Variants in TUBGCP3 observed in about 807,000 individuals in gnomAD.
The protein encoded by TUBGCP3 is tubulin gamma complex component 3.
In TUBGCP3, 50 loss-of-function variants were observed where a neutral mutation model predicts 123.1. The observed-to-expected ratio is 0.41, with a 90% confidence interval of 0.32 to 0.51. The LOEUF (loss-of-function observed/expected upper bound fraction) is 0.51. TUBGCP3 is among the 20% of genes least tolerant of loss of function. The pLI, the probability that TUBGCP3 is intolerant of heterozygous loss-of-function variation, is 0.36. For synonymous variants in TUBGCP3, 405 were observed against 413.9 expected (o/e 0.98, Z 0.26); for missense variants, 882 against 1,127.0 (o/e 0.78, Z 3.11).
intron 11 of TUBGCP3, among the ~76,000 whole-genome samples, chr13:112,542,788 A>T (rs1034241003): frequency 1.3e-5 from 2 of 152,216 alleles, no homozygotes; most frequent in African/African-American, 4.8e-5. Flanking sequence ...ATAGTGACTT[A>T]ATACAAATTG....
intron 8 of TUBGCP3, among the ~76,000 whole-genome samples, chr13:112,552,941 C>A (rs1364985910): frequency 6.6e-6 from 1 of 151,910 alleles, no homozygotes; most frequent in Non-Finnish European, 1.5e-5. Flanking sequence ...TCCCCACCAG[C>A]CATGCTCCTA....
the TUBGCP3 span, among the ~76,000 whole-genome samples, chr13:112,595,712 G>A: frequency 2.0e-5 from 3 of 147,204 alleles, no homozygotes; most frequent in African/African-American, 7.9e-5. Context: ...TGTGATTGAA[G>A]GATAGACAGC....
At chr13:112,501,321 G>T (rs1241269245) in intron 19 of TUBGCP3, among the ~76,000 whole-genome samples, 2 of 152,184 alleles carry the variant, frequency 1.3e-5, no homozygotes, top group Non-Finnish European at 2.9e-5. Context: ...GTCTAATAAA[G>T]AATAATTTAT....
chr13:112,569,280 T>G, intron 1 of TUBGCP3, 21 bp from the exon 2 acceptor site: 1 of 1,612,792 alleles, frequency 6.2e-7, no homozygotes, highest in Non-Finnish European at 8.5e-7. Context: ...AACAAAAGGA[T>G]GCGGATTGTT....
intron 17 of TUBGCP3, among the ~76,000 whole-genome samples, chr13:112,505,636 C>T (rs2139007174): frequency 6.6e-6 from 1 of 152,364 alleles, no homozygotes; most frequent in East Asian, 1.9e-4. Flanking sequence ...TGCAGTTTTG[C>T]TCTCTTGGTT....
the TUBGCP3 span, among the ~76,000 whole-genome samples, chr13:112,595,715 TAGAC>T: frequency 6.9e-6 from 1 of 145,132 alleles, no homozygotes; most frequent in African/African-American, 2.7e-5. Flanking sequence ...GATTGAAGGA[TAGAC>T]AGCATATAGT....
chr13:112,495,156 T>A (rs760262581), intron 20 of TUBGCP3, among the ~76,000 whole-genome samples: 1 of 152,344 alleles, frequency 6.6e-6, no homozygotes, highest in East Asian at 1.9e-4. Context: ...GTCCTAGAGT[T>A]TCCCCCCAGT....
At chr13:112,560,910 A>G (rs1880464565) in intron 3 of TUBGCP3, among the ~76,000 whole-genome samples, 2 of 152,208 alleles carry the variant, frequency 1.3e-5, no homozygotes, top group African/African-American at 4.8e-5. Flanking sequence ...ACAGCTCACA[A>G]AAGGGCTTCT....
At chr13:112,489,398 G>A (rs1171170433) in intron 21 of TUBGCP3, among the ~76,000 whole-genome samples, 183 bp downstream of exon 21, 4 of 152,244 alleles carry the variant, frequency 2.6e-5, no homozygotes, top group South Asian at 2.1e-4. Flanking sequence ...GGCACTGCCC[G>A]GAGCCCAGGC....
At chr13:112,499,909 A>C (rs1326739327) in intron 19 of TUBGCP3, among the ~76,000 whole-genome samples, 1 of 152,208 alleles carries the variant, frequency 6.6e-6, no homozygotes, top group African/African-American at 2.4e-5. Context: ...CATTTACATA[A>C]ATTAAAAATG....
At chr13:112,565,934 CAAA>C (rs201734900) in intron 2 of TUBGCP3, among the ~76,000 whole-genome samples, 35 of 111,388 alleles carry the variant, frequency 3.1e-4, no homozygotes, top group Non-Finnish European at 4.3e-4. Flanking sequence ...GACTCTGTCT[CAAA>C]AAAAAAAAAA....
chr13:112,526,512 A>G (rs554265029), intron 13 of TUBGCP3, among the ~76,000 whole-genome samples: 70 of 150,314 alleles, frequency 4.7e-4, no homozygotes, highest in African/African-American at 1.6e-3. Context: ...CAACATCACC[A>G]CCATCACTGC....
At chr13:112,504,992 T>C (rs1196674474) in intron 17 of TUBGCP3, among the ~76,000 whole-genome samples, 1 of 152,184 alleles carries the variant, frequency 6.6e-6, no homozygotes, top group African/African-American at 2.4e-5. Flanking sequence ...AAAAATTAAA[T>C]ACAAAACATT....
intron 11 of TUBGCP3, among the ~76,000 whole-genome samples, chr13:112,536,332 G>T (rs1258487532): frequency 1.3e-5 from 2 of 152,192 alleles, no homozygotes; most frequent in Admixed American, 1.3e-4. Flanking sequence ...TGTTGGGGGA[G>T]TACTGCCATC....
chr13:112,601,087 T>TGAGACAGGAGAATTGCTTC, the TUBGCP3 span, among the ~76,000 whole-genome samples: 4 of 147,736 alleles, frequency 2.7e-5, no homozygotes, highest in African/African-American at 1.0e-4. Flanking sequence ...ACTAAGGAGC[T>TGAGACAGGAGAATTGCTTC]GAGACAGGAG....
chr13:112,563,567 A>T (rs1880687653), intron 3 of TUBGCP3, among the ~76,000 whole-genome samples: 1 of 152,102 alleles, frequency 6.6e-6, no homozygotes, highest in Non-Finnish European at 1.5e-5. Context: ...TTTAAGTCAC[A>T]AAGTGTCTAA....
intron 1 of TUBGCP3, among the ~76,000 whole-genome samples, chr13:112,582,483 C>T (rs1267856420): frequency 6.6e-6 from 1 of 152,164 alleles, no homozygotes; most frequent in Non-Finnish European, 1.5e-5. Flanking sequence ...CAGGAAACAC[C>T]GTTAGCCTGG....
intron 13 of TUBGCP3, among the ~76,000 whole-genome samples, chr13:112,523,000 T>C (rs533518422): frequency 6.6e-6 from 1 of 152,240 alleles, no homozygotes; most frequent in East Asian, 1.9e-4. Flanking sequence ...CAAAACCAGA[T>C]TGTCACCAAT....
In TUBGCP3 at chr13:112,524,419, G is replaced by A. The variant is rs891282358; in HGVS notation, c.1556-1910C>T. On this transcript the variant is annotated intron_variant, in intron 13 of 21. Transcript: ENST00000261965. The surrounding 1 kb of genome is among the most constrained non-coding windows in gnomAD (Gnocchi z 4.4). ...GCAGCAACCTTCATGGAGAGCCTCCGGCACAGCAGGCGCATGGGGACGCCC... is the reference window on the plus strand; with the variant it reads ...GCAGCAACCTTCATGGAGAGCCTCCAGCACAGCAGGCGCATGGGGACGCCC... Among the ~76,000 whole-genome samples, 5 of 152,176 alleles carry A rather than the reference G, an allele frequency of 3.3e-5. No homozygotes were observed. Among genetic ancestry groups the A allele is most frequent in the African/African-American group, 7.2e-5 (3 of 41,434 alleles).
Sources: allele counts gnomAD v4.1 joint callset (sites outside exome capture counted in the v4.1 genomes callset), GRCh38; gene constraint gnomAD v4.1.1; non-coding constraint Gnocchi (gnomAD v3.1); transcripts MANE v1.5; gene names NCBI Gene and HGNC (gene_info 2026-07-23, HGNC 2026-07-21).